Variants in DCUN1D4 observed in about 807,000 individuals in gnomAD.
DCUN1D4 encodes defective in cullin neddylation 1 domain containing 4.
Under a neutral mutation model 47.9 loss-of-function variants are expected in DCUN1D4, and 22 were observed. The observed-to-expected ratio is 0.46, with a 90% CI of 0.33 to 0.66. The LOEUF (loss-of-function observed/expected upper bound fraction) is 0.66. DCUN1D4 is among the 30% of genes least tolerant of loss of function. DCUN1D4 has a pLI of 0.02. For synonymous variants in DCUN1D4, 121 were observed against 112.2 expected, an observed-to-expected ratio of 1.08 and a Z score of -0.50; for missense variants, 301 against 340.8, an observed-to-expected ratio of 0.88 and a Z score of 0.92.
chr4:51,859,297 T>C (rs1255067975), intron 1 of DCUN1D4, among the ~76,000 whole-genome samples: 1 of 152,202 alleles, frequency 6.6e-6, no homozygotes, highest in Non-Finnish European at 1.5e-5. Context: ...TTTATTCCTA[T>C]ATGTATTGTT....
chr4:51,911,515 T>C (rs1179071948), intron 9 of DCUN1D4, among the ~76,000 whole-genome samples: 3 of 152,204 alleles, frequency 2.0e-5, no homozygotes, highest in Non-Finnish European at 1.5e-5. Flanking sequence ...TCTTTTGACT[T>C]TAGATGAACT....
intron 7 of DCUN1D4, among the ~76,000 whole-genome samples, chr4:51,892,465 C>G (rs1730577336): frequency 6.6e-6 from 1 of 152,110 alleles, no homozygotes; most frequent in Admixed American, 6.6e-5. Context: ...CTGGTTTATA[C>G]TTAGTGAGAA....
intron 1 of DCUN1D4, among the ~76,000 whole-genome samples, chr4:51,846,434 T>A (rs982824416): frequency 6.6e-6 from 1 of 152,220 alleles, no homozygotes; most frequent in Non-Finnish European, 1.5e-5. Flanking sequence ...TGTGTACCCC[T>A]ACTGGCACTT....
At chr4:51,873,030 C>A (rs1231182307) in intron 3 of DCUN1D4, among the ~76,000 whole-genome samples, 2 of 152,200 alleles carry the variant, frequency 1.3e-5, no homozygotes, top group Non-Finnish European at 2.9e-5. Flanking sequence ...TCTCATTCTT[C>A]AAATGGCGAA....
In DCUN1D4 at chr4:51,874,297, G is replaced by C. The variant is rs1432586715; in HGVS notation, c.163G>C (p.Asp55His). ...TGSLRSCSSSDCFNKVMPPRK... is the reference protein window; with the variant it reads ...TGSLRSCSSSHCFNKVMPPRK... Reference sequence around the variant, plus strand: ...AAGTCTGCGGTCTTGCAGTTCTTCAGACTGCTTTAATAAAGTGATGCCACC... The same window carrying C: ...AAGTCTGCGGTCTTGCAGTTCTTCACACTGCTTTAATAAAGTGATGCCACC... Residue 55 changes from aspartate (D) to histidine (H), a missense_variant, in exon 4 of 11, where the codon GAC becomes CAC. Asp to His is a moderately conservative substitution (Grantham distance 81). Coordinates refer to ENST00000334635, the MANE Select transcript of DCUN1D4 (RefSeq NM_001040402.3). 3 of 1,612,832 alleles carry C rather than the reference G, an allele frequency of 1.9e-6. No individual in the cohort carries two copies. Among genetic ancestry groups the C allele is most frequent in the Non-Finnish European group, 2.5e-6 (3 of 1,179,624 alleles).
chr4:51,896,634 A>G (rs1404351929), intron 7 of DCUN1D4, among the ~76,000 whole-genome samples: 1 of 152,048 alleles, frequency 6.6e-6, no homozygotes, highest in Non-Finnish European at 1.5e-5. Context: ...CTAACCCTAT[A>G]GTGCGAATTC....
intron 1 of DCUN1D4, among the ~76,000 whole-genome samples, chr4:51,861,916 CCT>C (rs1016071886): frequency 1.4e-5 from 2 of 140,544 alleles, no homozygotes; most frequent in Admixed American, 7.0e-5. Flanking sequence ...AGCTTCTACC[CCT>C]GTTCACGTTT....
At chr4:51,876,117 C>CG (rs1285348066) in intron 4 of DCUN1D4, among the ~76,000 whole-genome samples, 2 of 151,930 alleles carry the variant, frequency 1.3e-5, no homozygotes, top group African/African-American at 4.8e-5. Flanking sequence ...TACTGATAAT[C>CG]GGGTGAGTGT....
chr4:51,860,251 A>C (rs1724839592), intron 1 of DCUN1D4, among the ~76,000 whole-genome samples: 1 of 152,240 alleles, frequency 6.6e-6, no homozygotes. Flanking sequence ...ATGTGGTAGC[A>C]ATAGGGATTG....
intron 5 of DCUN1D4, chr4:51,884,571 T>G (rs1729178079): frequency 6.6e-6 from 1 of 152,234 alleles, no homozygotes; most frequent in South Asian, 2.1e-4. Flanking sequence ...ATTCAGCCAT[T>G]CATTTAGTCC....
At chr4:51,879,722 A>G (rs1016415094) in intron 5 of DCUN1D4, among the ~76,000 whole-genome samples, 4 of 152,256 alleles carry the variant, frequency 2.6e-5, no homozygotes, top group African/African-American at 9.6e-5. Context: ...GCTTTCCTAT[A>G]TTGATTCACA....
intron 1 of DCUN1D4, chr4:51,848,200 T>G (rs561754107): frequency 7.8e-7 from 1 of 1,282,312 alleles, no homozygotes; most frequent in South Asian, 1.3e-5. Context: ...TTTTCAAACA[T>G]GCAGATATCA....
intron 7 of DCUN1D4, among the ~76,000 whole-genome samples, chr4:51,893,147 T>C (rs1435114721): frequency 2.0e-5 from 3 of 152,222 alleles, no homozygotes; most frequent in Non-Finnish European, 4.4e-5. Context: ...GTGGCAGAGA[T>C]GGGAAGAACA....
chr4:51,876,887 T>C (rs1727795537), intron 4 of DCUN1D4, among the ~76,000 whole-genome samples: 1 of 152,230 alleles, frequency 6.6e-6, no homozygotes, highest in Non-Finnish European at 1.5e-5. Context: ...AATGCTTATA[T>C]ACACCACTAG....
chr4:51,859,372 A>G (rs1724659607), intron 1 of DCUN1D4, among the ~76,000 whole-genome samples: 1 of 152,116 alleles, frequency 6.6e-6, no homozygotes, highest in Non-Finnish European at 1.5e-5. Flanking sequence ...CTATGGTATA[A>G]AGGGAAGTTT....
chr4:51,848,158 C>A, intron 1 of DCUN1D4: 1 of 1,269,928 alleles, frequency 7.9e-7, no homozygotes, highest in Non-Finnish European at 1.0e-6. Flanking sequence ...ATTTTTTAGA[C>A]AAAGTCAGTT....
chr4:51,899,422 C>A, intron 8 of DCUN1D4, 44 bp downstream of exon 8: 1 of 1,547,352 alleles, frequency 6.5e-7, no homozygotes, highest in East Asian at 2.4e-5. Flanking sequence ...TCTCTTCCCT[C>A]CCCTTTTTAA....
Position 51,859,978 on chromosome 4 carries a change from C to T in DCUN1D4, c.26-3459C>T, listed in dbSNP as rs576296438. Among the ~76,000 whole-genome samples the T allele has an allele frequency of 5.9e-5, 9 of 152,216 alleles. No individual in the cohort carries two copies. The East Asian group carries it at 7.7e-4, about 13-fold the overall frequency. ...CTCGGTAAAGCATTTGATCTTTACC[C>T]TTAACATCTAGGCCTTAAGGAGGTG... On this transcript the variant is annotated intron_variant, in intron 1 of 10. Transcript: ENST00000334635.
chr4:51,884,672 G>C lies in DCUN1D4; in HGVS notation c.344-1896G>C, dbSNP rs528240323. Among the ~76,000 whole-genome samples, 4 of 152,338 alleles carry C rather than the reference G, an allele frequency of 2.6e-5. No homozygotes were observed. In the South Asian group the frequency reaches 8.3e-4, roughly 32 times the overall value. Reference sequence around the variant, plus strand: ...AAAGGAACTCTTGCTCTTGAGTTTAGAGGGAAAGACAGATGAGCTGGGACT... The same window carrying C: ...AAAGGAACTCTTGCTCTTGAGTTTACAGGGAAAGACAGATGAGCTGGGACT... On this transcript the variant is annotated intron_variant, in intron 5 of 10. Coordinates refer to ENST00000334635, the MANE Select transcript of DCUN1D4 (RefSeq NM_001040402.3).
Sources: allele counts gnomAD v4.1 joint callset (sites outside exome capture counted in the v4.1 genomes callset), GRCh38; gene constraint gnomAD v4.1.1; transcripts MANE v1.5; gene names NCBI Gene and HGNC (gene_info 2026-07-23, HGNC 2026-07-21).